The following SPOCK1 variants were observed in gnomAD, a reference collection of about 807,000 sequenced individuals.
SPOCK1 encodes SPARC (osteonectin), cwcv and kazal like domains proteoglycan 1, also known as testican-1.
In SPOCK1, 23 loss-of-function variants were observed where a neutral mutation model predicts 55.3. That is an observed-to-expected ratio of 0.42 (90% confidence interval 0.30 to 0.59). The LOEUF is 0.59. SPOCK1 is among the 20% of genes least tolerant of loss of function. The pLI, the probability that SPOCK1 is intolerant of heterozygous loss-of-function variation, is 0.22. For synonymous variants in SPOCK1, 226 were observed against 221.0 expected (o/e 1.02, Z -0.20); for missense variants, 499 against 552.5 (o/e 0.90, Z 0.97).
chr5:137,441,991 T>C (rs1753024612), intron 2 of SPOCK1, among the ~76,000 whole-genome samples: 1 of 152,148 alleles, frequency 6.6e-6, no homozygotes, highest in African/African-American at 2.4e-5. Flanking sequence ...AGCATCACAA[T>C]TTCTTGAGTC....
intron 3 of SPOCK1, among the ~76,000 whole-genome samples, chr5:137,225,677 G>A (rs1755930707): frequency 6.6e-6 from 1 of 152,210 alleles, no homozygotes; most frequent in Non-Finnish European, 1.5e-5. Context: ...TCACCTGGAA[G>A]GCTTGGGAAA....
intron 6 of SPOCK1, among the ~76,000 whole-genome samples, chr5:137,065,071 T>C (rs1256996771): frequency 1.3e-5 from 2 of 151,748 alleles, no homozygotes; most frequent in Non-Finnish European, 2.9e-5. Flanking sequence ...CTACTAAAAA[T>C]ACAAAAATCA....
At chr5:137,232,026 T>C (rs1167632080) in intron 3 of SPOCK1, among the ~76,000 whole-genome samples, 5 of 152,228 alleles carry the variant, frequency 3.3e-5, no homozygotes, top group Non-Finnish European at 7.3e-5. Flanking sequence ...TCTCTTCATA[T>C]CTTTTACTCA....
Position 137,082,506 on chromosome 5 carries a change from G to A in SPOCK1, c.475-14677C>T, listed in dbSNP as rs138700840. Among the ~76,000 whole-genome samples the A allele has an allele frequency of 5.8e-3, 886 of 152,320 alleles. 12 individuals are homozygous for A. Among genetic ancestry groups the A allele is most frequent in the Admixed American group, 7.8e-3 (119 of 15,302 alleles). On this transcript the variant is annotated intron_variant, in intron 5 of 10. Transcript: ENST00000394945. The stretch of plus-strand genomic sequence containing the variant: ...AGAACACAAACCCTGTGATACAGAC[G>A]CAGGCATTCAGGGACAAGACACCTC...
intron 2 of SPOCK1, among the ~76,000 whole-genome samples, chr5:137,443,987 C>T (rs1753069785): frequency 6.6e-6 from 1 of 152,196 alleles, no homozygotes; most frequent in African/African-American, 2.4e-5. Context: ...CACCGTTCAT[C>T]ATTGTACCAG....
rs77501723 is a variant in SPOCK1 at position 137,011,658 on chromosome 5, T to A, written c.590-19058A>T. On this transcript the variant is annotated intron_variant, in intron 6 of 10. Transcript: ENST00000394945. ...CCCATCTACCACATCAGCAATAAAT[T>A]GCACTGATAATGTAATTAAAAATAT... Among the ~76,000 whole-genome samples the A allele has an allele frequency of 3.8e-3, 581 of 152,304 alleles. 4 individuals carry two copies. The highest frequency in any genetic ancestry group is 0.013 in the African/African-American group (561 of 41,560).
chr5:137,490,355 G>A (rs993171423), intron 2 of SPOCK1, among the ~76,000 whole-genome samples: 4 of 152,212 alleles, frequency 2.6e-5, no homozygotes, highest in African/African-American at 9.6e-5. Context: ...GGGACTGCCT[G>A]AGTGCCAAGA....
intron 2 of SPOCK1, among the ~76,000 whole-genome samples, chr5:137,342,070 G>C (rs1750443005): frequency 6.6e-6 from 1 of 152,208 alleles, no homozygotes; most frequent in Non-Finnish European, 1.5e-5. Context: ...GCAAAGCCTT[G>C]CAAACATGTA....
intron 2 of SPOCK1, among the ~76,000 whole-genome samples, chr5:137,329,249 T>G (rs755590724): frequency 2.0e-5 from 3 of 152,144 alleles, no homozygotes; most frequent in East Asian, 1.9e-4. Context: ...AGGCTCTTTT[T>G]GGGCCTTGAG....
chr5:137,140,858 A>G (rs1294921064), intron 3 of SPOCK1, among the ~76,000 whole-genome samples, 164 bp from the exon 4 acceptor site: 2 of 145,290 alleles, frequency 1.4e-5, no homozygotes, highest in Non-Finnish European at 3.0e-5. Context: ...TCCTGGGTTC[A>G]AGTGATTTTC....
intron 3 of SPOCK1, among the ~76,000 whole-genome samples, chr5:137,161,166 G>A (rs1821472): frequency 7.5e-5 from 11 of 146,760 alleles, no homozygotes; most frequent in African/African-American, 2.5e-4. Context: ...TAATATATAC[G>A]CTATTCCTAG....
chr5:137,044,723 A>T (rs1324723888), intron 6 of SPOCK1, among the ~76,000 whole-genome samples: 2 of 151,258 alleles, frequency 1.3e-5, no homozygotes, highest in African/African-American at 4.9e-5. Flanking sequence ...TACATGTGCC[A>T]TGCTGGTGCG....
chr5:137,356,909 T>C (rs1050142428), intron 2 of SPOCK1, among the ~76,000 whole-genome samples: 10 of 136,110 alleles, frequency 7.3e-5, no homozygotes, highest in African/African-American at 2.8e-4. Flanking sequence ...AGCTACTTAC[T>C]ATGTTTCCTC....
chr5:136,994,142 T>C (rs1750999260), intron 6 of SPOCK1, among the ~76,000 whole-genome samples: 1 of 152,200 alleles, frequency 6.6e-6, no homozygotes, highest in African/African-American at 2.4e-5. Context: ...CGCTGCCTTC[T>C]GTCCAGGTAG....
chr5:137,331,537 A>G (rs1395512604), intron 2 of SPOCK1, among the ~76,000 whole-genome samples: 1 of 152,230 alleles, frequency 6.6e-6, no homozygotes, highest in Non-Finnish European at 1.5e-5. Flanking sequence ...TGCAGGCTGT[A>G]TAAGCATGGT....
At chr5:136,984,692 C>T (rs1483143412) in intron 9 of SPOCK1, among the ~76,000 whole-genome samples, 1 of 152,228 alleles carries the variant, frequency 6.6e-6, no homozygotes, top group East Asian at 1.9e-4. Flanking sequence ...TAAGCACATA[C>T]ATGTCGTTCA....
chr5:137,253,101 A>G (rs1395473895), intron 3 of SPOCK1, among the ~76,000 whole-genome samples: 3 of 152,222 alleles, frequency 2.0e-5, no homozygotes, highest in Non-Finnish European at 4.4e-5. Context: ...GTGAGAAGTC[A>G]CACTGCATTT....
At position 137,412,093 on chromosome 5, in the gene SPOCK1, G is replaced by A. The variant is rs74550630; in HGVS notation, c.186+86280C>T. The stretch of plus-strand genomic sequence containing the variant: ...GTTGAGGGGAAGAGCCACCTGTCAT[G>A]GAGATGGACTGCACGAGCCCAATGC... On this transcript the variant is annotated intron_variant, in intron 2 of 10. Coordinates refer to ENST00000394945, the MANE Select transcript of SPOCK1 (RefSeq NM_004598.4). Among the ~76,000 whole-genome samples, 565 of 152,322 alleles carry A rather than the reference G, an allele frequency of 3.7e-3. 4 individuals carry two copies. The highest frequency in any genetic ancestry group is 0.013 in the African/African-American group (531 of 41,568).
chr5:137,195,720 G>A (rs1755286672), intron 3 of SPOCK1, among the ~76,000 whole-genome samples: 1 of 152,212 alleles, frequency 6.6e-6, no homozygotes, highest in African/African-American at 2.4e-5. Flanking sequence ...CTCCAAGGCA[G>A]GTGACTCAGC....
Sources: gnomAD v4.1 joint callset for allele counts (sites outside exome capture counted in the v4.1 genomes callset) on GRCh38, gnomAD v4.1.1 for gene constraint, MANE v1.5 for transcripts, NCBI Gene and HGNC (gene_info 2026-07-23, HGNC 2026-07-21) for gene names.